ASPH: variants seen among roughly 807,000 people sequenced by gnomAD.
ASPH encodes aspartyl/asparaginyl beta-hydroxylase.
A neutral mutation model predicts 118.4 loss-of-function variants in ASPH; 100 were observed. That is an observed-to-expected ratio of 0.84 (90% CI 0.72 to 1.00). The LOEUF (loss-of-function observed/expected upper bound fraction) is 1.00. Ranked by LOEUF, ASPH falls within the 50% of genes least tolerant of loss-of-function variation. ASPH has a pLI of 0.00. For synonymous variants in ASPH, 315 were observed against 325.6 expected, an observed-to-expected ratio of 0.97 and a Z score of 0.35; for missense variants, 920 against 919.5, an observed-to-expected ratio of 1.00 and a Z score of -0.01.
At chr8:61,567,872 G>A (rs933772139) in intron 16 of ASPH, among the ~76,000 whole-genome samples, 5 of 152,242 alleles carry the variant, frequency 3.3e-5, no homozygotes, top group African/African-American at 1.2e-4. Context: ...TAGGAGTGCT[G>A]GGTAGGAATG....
chr8:61,618,727 T>C (rs1196949376), intron 14 of ASPH, among the ~76,000 whole-genome samples: 1 of 152,214 alleles, frequency 6.6e-6, no homozygotes, highest in Non-Finnish European at 1.5e-5. Context: ...GTTAAGTATT[T>C]TTCCCAAGGA....
chr8:61,548,536 A>G (rs1038703178), intron 20 of ASPH, among the ~76,000 whole-genome samples: 52 of 152,238 alleles, frequency 3.4e-4, no homozygotes, highest in African/African-American at 1.2e-3. Context: ...GAATGAATAA[A>G]TAAGACACCA....
rs549025166 is a variant in ASPH, at chr8:61,675,121, T to C, written c.322+5847A>G. 2.9e-4 allele frequency: 65 copies of C among 225,268 alleles called. 1 individual carries two copies. The highest frequency in any genetic ancestry group is 1.1e-3 in the African/African-American group (49 of 42,858). 14.0% of individuals were successfully genotyped at this position (225,268 alleles called of 1,614,324 possible). A position where few individuals can be genotyped will look rare whatever the true frequency, so the allele number is the denominator to read the frequency against. On this transcript the variant is annotated intron_variant, in intron 3 of 24. Coordinates refer to ENST00000379454, the MANE Select transcript of ASPH (RefSeq NM_004318.4). ...ATTGATTCAAATATGTTTTTAAGGC[T>C]TTCTAATGGGAAAAGTTTACTGCCC...
At chr8:61,626,726 T>A (rs1178920333) in intron 13 of ASPH, among the ~76,000 whole-genome samples, 1 of 43,290 alleles carries the variant, frequency 2.3e-5, no homozygotes, top group African/African-American at 1.1e-4. Flanking sequence ...AAATAAATTT[T>A]AAAAAATTAA....
chr8:61,676,315 C>T, intron 3 of ASPH: 2 of 1,582,306 alleles, frequency 1.3e-6, no homozygotes, highest in Non-Finnish European at 1.7e-6. Context: ...CATCTTTGGT[C>T]AGGCCTACAT....
chr8:61,621,586 GTTCTAAGCACT>G (rs1166493787), intron 13 of ASPH, among the ~76,000 whole-genome samples: 1 of 152,192 alleles, frequency 6.6e-6, no homozygotes, highest in Non-Finnish European at 1.5e-5. Context: ...TACAGGCATT[GTTCTAAGCACT>G]TAACACAGAC....
chr8:61,682,599 A>C (rs1828666363), intron 2 of ASPH: 1 of 977,876 alleles, frequency 1.0e-6, no homozygotes, highest in South Asian at 1.5e-5. Flanking sequence ...CAGTCAAAGC[A>C]TAGATCTACT....
chr8:61,595,929 G>C (rs1362600681), intron 14 of ASPH, among the ~76,000 whole-genome samples: 1 of 152,148 alleles, frequency 6.6e-6, no homozygotes, highest in Admixed American at 6.5e-5. Context: ...GCTGTCTGGG[G>C]ATCTGAAGAT....
intron 20 of ASPH, among the ~76,000 whole-genome samples, chr8:61,548,819 A>G (rs983337084): frequency 6.6e-6 from 1 of 152,192 alleles, no homozygotes; most frequent in African/African-American, 2.4e-5. Flanking sequence ...ATTTTTGTTC[A>G]TAATATATAT....
At chr8:61,558,076 T>C (rs1488008444) in intron 18 of ASPH, among the ~76,000 whole-genome samples, 1 of 152,240 alleles carries the variant, frequency 6.6e-6, no homozygotes, top group South Asian at 2.1e-4. Context: ...AGATATACTC[T>C]CTTTTCTCAG....
chr8:61,666,519 TAATAA>T (rs1819693455), intron 3 of ASPH, among the ~76,000 whole-genome samples: 1 of 152,184 alleles, frequency 6.6e-6, no homozygotes. Flanking sequence ...TTCTTTAATA[TAATAA>T]AATGTGAAAG....
At chr8:61,674,625 ATGG>A (rs1467049617) in intron 3 of ASPH, among the ~76,000 whole-genome samples, 2 of 152,186 alleles carry the variant, frequency 1.3e-5, no homozygotes, top group Non-Finnish European at 2.9e-5. Flanking sequence ...ACACAGGTAA[ATGG>A]TGGGCAGAGG....
At chr8:61,700,567 C>T (rs1057016566) in intron 1 of ASPH, among the ~76,000 whole-genome samples, 1 of 152,138 alleles carries the variant, frequency 6.6e-6, no homozygotes, top group Non-Finnish European at 1.5e-5. Context: ...AAAGATGCCT[C>T]AATAAAATGG....
At chr8:61,505,651 C>G (rs570455177) in intron 24 of ASPH, among the ~76,000 whole-genome samples, 8 of 152,264 alleles carry the variant, frequency 5.3e-5, no homozygotes, top group Admixed American at 2.0e-4. Context: ...ATACACCTTG[C>G]CTCATCTCTT....
At chr8:61,505,898 C>T (rs1462621721) in intron 24 of ASPH, among the ~76,000 whole-genome samples, 1 of 152,160 alleles carries the variant, frequency 6.6e-6, no homozygotes, top group Admixed American at 6.5e-5. Flanking sequence ...CACAGTTAGG[C>T]AGGCATTTTC....
At chr8:61,517,729 GACAGTACAAAATT>G (rs1416583452) in intron 23 of ASPH, 68 bp from the exon 24 acceptor site, 2 of 1,548,474 alleles carry the variant, frequency 1.3e-6, no homozygotes, top group Non-Finnish European at 1.8e-6. Context: ...AAGTTAAGGT[GACAGTACAAAATT>G]ACTGTCAGTT....
At chr8:61,599,968 CA>C (rs954491326) in intron 14 of ASPH, among the ~76,000 whole-genome samples, 38 of 152,082 alleles carry the variant, frequency 2.5e-4, no homozygotes, top group African/African-American at 8.7e-4. Flanking sequence ...ACAAGAACAA[CA>C]AAAAAATACA....
At chr8:61,554,062 G>A (rs1826966596) in intron 19 of ASPH, among the ~76,000 whole-genome samples, 1 of 152,220 alleles carries the variant, frequency 6.6e-6, no homozygotes, top group South Asian at 2.1e-4. Context: ...GACCAGGCCA[G>A]CTCTTGCTTT....
intron 22 of ASPH, among the ~76,000 whole-genome samples, chr8:61,524,879 T>C (rs1180235690): frequency 2.6e-5 from 4 of 152,108 alleles, no homozygotes; most frequent in Admixed American, 2.6e-4. Flanking sequence ...GGAATCAAAG[T>C]ACAAGGTGAA....
Sources: allele counts gnomAD v4.1 joint callset (sites outside exome capture counted in the v4.1 genomes callset), GRCh38; gene constraint gnomAD v4.1.1; transcripts MANE v1.5; gene names NCBI Gene and HGNC (gene_info 2026-07-23, HGNC 2026-07-21).